Variants in RCC1 observed in about 807,000 individuals in gnomAD.
The protein encoded by RCC1 is regulator of chromosome condensation 1.
A neutral mutation model predicts 44.4 loss-of-function variants in RCC1; 11 were observed. That is an observed-to-expected ratio of 0.25 (90% CI 0.16 to 0.41). The LOEUF (loss-of-function observed/expected upper bound fraction) is 0.41, where lower values mean the gene tolerates loss of function less well. RCC1 is among the 10% of genes least tolerant of loss of function. RCC1 has a pLI of 1.00. For synonymous variants in RCC1, 213 were observed against 216.5 expected, an observed-to-expected ratio of 0.98 and a Z score of 0.14; for missense variants, 386 against 547.1, an observed-to-expected ratio of 0.71 and a Z score of 2.94.
In RCC1 at chr1:28,508,568, A is replaced by G. The variant is rs757985191; in HGVS notation, c.-228-262A>G. 25 of 518,372 alleles carry G rather than the reference A, an allele frequency of 4.8e-5. 1 individual carries two copies. The highest frequency in any genetic ancestry group is 8.5e-5 in the Non-Finnish European group (22 of 259,654). The allele number at this position is 518,372 out of a possible 1,614,324, so 32.1% of individuals were successfully genotyped here. The stretch of plus-strand genomic sequence containing the variant: ...CTCACTAATGAGCATTCCAACGTGG[A>G]TACCCTGGGAGGTCACTCTCCCCAG... On this transcript the variant is annotated intron_variant, in intron 2 of 12. Coordinates refer to ENST00000683442, the MANE Select transcript of RCC1 (RefSeq NM_001381865.2).
At chr1:28,528,690 A>G (rs1663860672) in intron 4 of RCC1, among the ~76,000 whole-genome samples, 1 of 151,990 alleles carries the variant, frequency 6.6e-6, no homozygotes, top group Admixed American at 6.6e-5. Flanking sequence ...GGAAGATAAA[A>G]CGAAACAAGT....
chr1:28,513,759 A>G (rs1421083658), intron 3 of RCC1, among the ~76,000 whole-genome samples: 1 of 151,526 alleles, frequency 6.6e-6, no homozygotes, highest in Non-Finnish European at 1.5e-5. Flanking sequence ...TAAATTTTGT[A>G]TTTTTTGTAG....
chr1:28,528,914 G>A (rs1034916867), intron 4 of RCC1, among the ~76,000 whole-genome samples: 14 of 143,964 alleles, frequency 9.7e-5, no homozygotes, highest in Admixed American at 7.8e-4. Flanking sequence ...GGAGTGCTGA[G>A]TGCAATGGCA....
intron 1 of RCC1, chr1:28,507,456 C>A (rs771690164): frequency 1.9e-6 from 1 of 519,122 alleles, no homozygotes; most frequent in South Asian, 1.4e-5. Context: ...ATGTACAAGT[C>A]CCTTTCCACA....
Position 28,536,338 on chromosome 1 carries a change from C to A in RCC1, c.894C>A (p.Gly298=). ...SFKNSTKSWV[G]FSGGQHHTVC... ...AGAATTCCACCAAGTCCTGGGTGGG[C>A]TTCTCTGGTGGCCAGCACCATACAG... Residue 298 remains glycine, a synonymous_variant, in exon 11 of 13, where the codon GGC becomes GGA. Coordinates refer to ENST00000683442, the MANE Select transcript of RCC1 (RefSeq NM_001381865.2). This position sits in a 1 kb window ranked among gnomAD's most constrained non-coding sequence, Gnocchi z 4.9. 6.2e-7 allele frequency: 1 copy of A among 1,614,122 alleles called. No individual in the cohort carries two copies. The highest frequency in any genetic ancestry group is 8.5e-7 in the Non-Finnish European group (1 of 1,179,982).
chr1:28,517,839 A>C (rs1407812852), intron 4 of RCC1, among the ~76,000 whole-genome samples: 2 of 152,076 alleles, frequency 1.3e-5, no homozygotes, highest in African/African-American at 4.8e-5. Context: ...AGCTGTTCTT[A>C]AGCCCCGGAC....
chr1:28,521,674 C>G (rs1401348250), intron 4 of RCC1, among the ~76,000 whole-genome samples: 1 of 152,206 alleles, frequency 6.6e-6, no homozygotes, highest in African/African-American at 2.4e-5. Flanking sequence ...CACTGTCCTT[C>G]CCCACATCTG....
chr1:28,513,095 G>A (rs939784944), intron 3 of RCC1, among the ~76,000 whole-genome samples: 2 of 151,158 alleles, frequency 1.3e-5, no homozygotes, highest in Non-Finnish European at 2.9e-5. Flanking sequence ...TTAGACAAGA[G>A]TCTCACTCTG....
At chr1:28,527,266 G>A (rs75279835) in intron 4 of RCC1, 29,480 of 662,720 alleles carry the variant, frequency 0.044, 1,632 homozygotes, top group African/African-American at 0.22. Context: ...TTGAGACAGT[G>A]TCTGTCTCTT....
At chr1:28,530,049 C>A in intron 5 of RCC1, 110 bp downstream of exon 5, 1 of 764,596 alleles carries the variant, frequency 1.3e-6, no homozygotes, top group Non-Finnish European at 2.1e-6. Flanking sequence ...TGTGGATGTG[C>A]AGAGACCCCA....
At chr1:28,519,022 G>A (rs1190143949) in intron 4 of RCC1, 1 of 152,282 alleles carries the variant, frequency 6.6e-6, no homozygotes, top group Non-Finnish European at 1.5e-5. Context: ...TGCCCTAGCA[G>A]AAGTTGAGTG....
intron 9 of RCC1, 196 bp downstream of exon 9, chr1:28,535,576 C>T (rs1381646833): frequency 4.6e-6 from 4 of 863,612 alleles, no homozygotes; most frequent in Admixed American, 2.0e-5. Flanking sequence ...TTCTTCATCA[C>T]TAAGTCTACC....
Position 28,506,079 on chromosome 1 carries a change from T to C in RCC1, c.-267T>C. The C allele has an allele frequency of 4.4e-6, 2 of 455,594 alleles. No homozygotes were observed. Among genetic ancestry groups the C allele is most frequent in the South Asian group, 3.1e-5 (2 of 64,556 alleles). 28.2% of individuals were successfully genotyped at this position (455,594 alleles called of 1,614,324 possible). On this transcript the variant is annotated 5_prime_UTR_variant, in exon 1 of 13. Transcript: ENST00000683442. ...ACAGATTCGCAGTGGTCGCTTCTTC[T>C]CCTTGGTAAGTGTGATCCTTGGTAA...
intron 3 of RCC1, among the ~76,000 whole-genome samples, chr1:28,514,176 C>A (rs1662729140): frequency 6.7e-6 from 1 of 150,338 alleles, no homozygotes; most frequent in South Asian, 2.1e-4. Flanking sequence ...AAAGGCGGGG[C>A]CCGGTGGCTC....
At chr1:28,507,801 T>C (rs1373474332) in intron 1 of RCC1, 1 of 339,804 alleles carries the variant, frequency 2.9e-6, no homozygotes, top group East Asian at 7.7e-5. Flanking sequence ...AAGACAGGGT[T>C]TCACCATGTT....
intron 3 of RCC1, among the ~76,000 whole-genome samples, chr1:28,515,868 G>A (rs562792249): frequency 8.3e-4 from 126 of 152,024 alleles, no homozygotes; most frequent in Non-Finnish European, 1.3e-3. Context: ...CAAAAATGGT[G>A]AAACCCGGTC....
At chr1:28,508,784 TGAA>T in intron 2 of RCC1, 43 bp from the exon 3 acceptor site, 1 of 518,728 alleles carries the variant, frequency 1.9e-6, no homozygotes, top group Non-Finnish European at 3.9e-6. Flanking sequence ...GATTTTAAGT[TGAA>T]GTAGGATCTT....
intron 7 of RCC1, among the ~76,000 whole-genome samples, chr1:28,534,605 C>A (rs1030217052): frequency 7.2e-5 from 11 of 152,306 alleles, no homozygotes; most frequent in Admixed American, 7.2e-4. Flanking sequence ...CTCAGCCTCG[C>A]AAGTAGCTGG....
intron 4 of RCC1, among the ~76,000 whole-genome samples, chr1:28,521,676 C>T (rs1017386876): frequency 6.6e-6 from 1 of 152,188 alleles, no homozygotes; most frequent in Non-Finnish European, 1.5e-5. Context: ...CTGTCCTTCC[C>T]CACATCTGTG....
Sources: gnomAD v4.1 joint callset for allele counts (sites outside exome capture counted in the v4.1 genomes callset) on GRCh38, gnomAD v4.1.1 for gene constraint, Gnocchi (gnomAD v3.1) non-coding constraint, MANE v1.5 for transcripts, NCBI Gene and HGNC (gene_info 2026-07-23, HGNC 2026-07-21) for gene names.